MTOR: variants seen among roughly 807,000 people sequenced by gnomAD.
MTOR encodes the protein mechanistic target of rapamycin kinase.
In MTOR, 70 loss-of-function variants were observed where a neutral mutation model predicts 319.8. That is an observed-to-expected ratio of 0.22 (90% CI 0.18 to 0.27). MTOR has a LOEUF of 0.27. MTOR is among the 10% of genes least tolerant of loss of function. The pLI is 1.00. For synonymous variants in MTOR, 1,183 were observed against 1,211.4 expected, an observed-to-expected ratio of 0.98 and a Z score of 0.49; for missense variants, 1,890 against 3,274.4, an observed-to-expected ratio of 0.58 and a Z score of 10.32.
At position 11,230,974 on chromosome 1, in the gene MTOR, C is replaced by G. The variant is rs1220272705; in HGVS notation, c.2730G>C (p.Arg910=). The G allele has an allele frequency of 6.2e-7, 1 of 1,614,108 alleles. No homozygotes were observed. Among genetic ancestry groups the G allele is most frequent in the Non-Finnish European group, 8.5e-7 (1 of 1,180,014 alleles). ...KVNIGMIDQS[R]DASAVSLSES... ...CTGACAGGCTGACAGCAGAGGCATC[C>G]CGGGACTGGTCTATCATGCCAATGT... Residue 910 remains arginine, a synonymous_variant, in exon 18 of 58, where the codon CGG becomes CGC. Transcript: ENST00000361445.
chr1:11,195,785 T>C (rs1645763329), intron 28 of MTOR: 1 of 152,604 alleles, frequency 6.6e-6, no homozygotes, highest in Non-Finnish European at 1.5e-5. Context: ...TTTATTTACT[T>C]TGTAAGAAAC....
chr1:11,258,920 C>T (rs1650767460), intron 2 of MTOR, among the ~76,000 whole-genome samples: 1 of 152,170 alleles, frequency 6.6e-6, no homozygotes, highest in Non-Finnish European at 1.5e-5. Context: ...CCCTAGCTCT[C>T]AACTCTCCAA....
intron 26 of MTOR, 112 bp downstream of exon 26, chr1:11,204,449 A>G: frequency 7.2e-7 from 1 of 1,388,128 alleles, no homozygotes; most frequent in Non-Finnish European, 9.6e-7. Context: ...TATCCCACAA[A>G]ATTAGAAAAA....
At chr1:11,198,079 G>A (rs1368306681) in intron 28 of MTOR, among the ~76,000 whole-genome samples, 3 of 152,122 alleles carry the variant, frequency 2.0e-5, no homozygotes, top group Non-Finnish European at 4.4e-5. Flanking sequence ...AGGTGAGCAA[G>A]GAAATTAATA....
intron 25 of MTOR, among the ~76,000 whole-genome samples, chr1:11,207,491 C>A (rs1307543016): frequency 6.7e-6 from 1 of 149,272 alleles, no homozygotes; most frequent in Non-Finnish European, 1.5e-5. Flanking sequence ...TCACTGCACC[C>A]TGGAACTCAT....
chr1:11,109,677 G>T lies in MTOR; in HGVS notation c.7419C>A (p.Thr2473=). The T allele has an allele frequency of 6.2e-7, 1 of 1,614,108 alleles. No individual in the cohort carries two copies. The highest frequency in any genetic ancestry group is 8.5e-7 in the Non-Finnish European group (1 of 1,179,988). The change falls in exon 55 of 58, where the codon ACC becomes ACA. Residue 2473 remains threonine (T), a synonymous_variant. Coordinates refer to ENST00000361445, the MANE Select transcript of MTOR (RefSeq NM_004958.4). This position sits in a 1 kb window ranked among gnomAD's most constrained non-coding sequence, Gnocchi z 4.0. ...LGEPAHKKTG[T]TVPESIHSFI... ...AAGAATGAATAGATTCTGGCACTGT[G>T]GTCCCCGTTTTCTTATGGGCTGGCT...
chr1:11,109,581 G>C lies in MTOR; in HGVS notation c.7447+68C>G. 1.3e-6 allele frequency: 2 copies of C among 1,485,036 alleles called. No homozygotes were observed. Among genetic ancestry groups the C allele is most frequent in the Middle Eastern group, 1.7e-4 (1 of 5,818 alleles). The allele number at this position is 1,485,036 out of a possible 1,614,324, so 92.0% of individuals were successfully genotyped here. On this transcript the variant is annotated intron_variant, in intron 55 of 57. Coordinates refer to ENST00000361445, the MANE Select transcript of MTOR (RefSeq NM_004958.4). This position sits in a 1 kb window ranked among gnomAD's most constrained non-coding sequence, Gnocchi z 4.0. ...GCTTCATCTTGTTGACCCCTCTCAG[G>C]GTATAACACAGCTGCTATTTTCTTA... is the stretch of plus-strand genomic sequence containing the variant.
chr1:11,107,319 A>G lies in MTOR; in HGVS notation c.*166T>C, dbSNP rs17848571. The G allele has an allele frequency of 2.7e-6, 4 of 1,499,692 alleles. No homozygotes were observed. In the East Asian group the frequency reaches 9.3e-5, roughly 35 times the overall value. The allele number at this position is 1,499,692 out of a possible 1,614,324, so 92.9% of individuals were successfully genotyped here. ...GACAATATATTCTTCAACAGCAGCT[A>G]GAAAGTTGGTTCAAACCAACTTTTA... On this transcript the variant is annotated 3_prime_UTR_variant, in exon 58 of 58. Coordinates refer to ENST00000361445, the MANE Select transcript of MTOR (RefSeq NM_004958.4).
chr1:11,139,509 T>C lies in MTOR; in HGVS notation c.4998+24A>G, dbSNP rs780319309. On this transcript the variant is annotated intron_variant, in intron 35 of 57. Transcript: ENST00000361445. ...GACACCATGGGGCCCTACCTGCCCA[T>C]GTGGGTGGGTGGTTGTCACTCACCA... The C allele has an allele frequency of 6.2e-6, 10 of 1,614,118 alleles. No individual in the cohort carries two copies. In the South Asian group the frequency reaches 1.1e-4, roughly 18 times the overall value.
intron 29 of MTOR, among the ~76,000 whole-genome samples, chr1:11,164,260 G>C (rs1418909034): frequency 6.6e-6 from 1 of 150,596 alleles, no homozygotes; most frequent in Non-Finnish European, 1.5e-5. Flanking sequence ...GCATGAACCT[G>C]GGAGGCGGAG....
chr1:11,257,306 C>A (rs189105789), intron 3 of MTOR, 141 bp from the exon 4 acceptor site: 1 of 593,920 alleles, frequency 1.7e-6, no homozygotes, highest in Non-Finnish European at 2.9e-6. Context: ...GAGGCTGAGG[C>A]GGGCGGATTG....
intron 31 of MTOR, 70 bp from the exon 32 acceptor site, chr1:11,146,861 T>C (rs1643946958): frequency 7.6e-6 from 8 of 1,049,730 alleles, no homozygotes; most frequent in South Asian, 6.4e-5. Context: ...GCATCTCAAA[T>C]AGGTCTTGCC....
At chr1:11,214,224 T>C (rs1646399843) in intron 20 of MTOR, among the ~76,000 whole-genome samples, 2 of 152,230 alleles carry the variant, frequency 1.3e-5, no homozygotes, top group Admixed American at 1.3e-4. Flanking sequence ...ATTTTGCTAT[T>C]AATAGATAGC....
At chr1:11,194,590 A>G in intron 28 of MTOR, 1 of 1,614,198 alleles carries the variant, frequency 6.2e-7, no homozygotes, top group Non-Finnish European at 8.5e-7. Flanking sequence ...GTATCATAAC[A>G]ACACAGCCTT....
At position 11,139,239 on chromosome 1, in the gene MTOR, A is replaced by C; in HGVS notation, c.5130+65T>G. On this transcript the variant is annotated intron_variant, in intron 36 of 57. Coordinates refer to ENST00000361445, the MANE Select transcript of MTOR (RefSeq NM_004958.4). ...TTCTTTTCTGGCCTTAAAGAGGCAG[A>C]GCGAAGCAGATTAGGCGAGCATTCT... 3 of 1,538,408 alleles carry C rather than the reference A, an allele frequency of 2.0e-6. No individual in the cohort carries two copies. The East Asian group carries it at 6.8e-5, about 35-fold the overall frequency.
At position 11,129,645 on chromosome 1, in the gene MTOR, G is replaced by A; in HGVS notation, c.5714+93C>T. On this transcript the variant is annotated intron_variant, in intron 40 of 57. Coordinates refer to ENST00000361445, the MANE Select transcript of MTOR (RefSeq NM_004958.4). The surrounding 1 kb of genome is among the most constrained non-coding windows in gnomAD (Gnocchi z 4.7). ...ACATCGATCTTGGGTGTCCTGATCA[G>A]GGTCAGGAAGGGAAAGAGGACTTTT... is the stretch of plus-strand genomic sequence containing the variant. The A allele has an allele frequency of 4.6e-6, 5 of 1,096,944 alleles. 1 individual carries two copies. The South Asian group carries it at 6.8e-5, about 15-fold the overall frequency. 68.0% of individuals were successfully genotyped at this position (1,096,944 alleles called of 1,614,324 possible). A position where few individuals can be genotyped will look rare whatever the true frequency, so the allele number is the denominator to read the frequency against.
chr1:11,133,752 G>T lies in MTOR; in HGVS notation c.5247-555C>A, dbSNP rs1309960078. ...CATAGAGAGGTTAAGTCACTTCTCTGAAGTCAAATATCAAATCTGCAGCAC... is the reference window on the plus strand; with the variant it reads ...CATAGAGAGGTTAAGTCACTTCTCTTAAGTCAAATATCAAATCTGCAGCAC... On this transcript the variant is annotated intron_variant, in intron 37 of 57. Coordinates refer to ENST00000361445, the MANE Select transcript of MTOR (RefSeq NM_004958.4). This position sits in a 1 kb window ranked among gnomAD's most constrained non-coding sequence, Gnocchi z 4.0. 6.6e-6 allele frequency among the ~76,000 whole-genome samples: 1 copy of T among 152,168 alleles called. No individual in the cohort carries two copies. The highest frequency in any genetic ancestry group is 2.4e-5 in the African/African-American group (1 of 41,436).
chr1:11,231,370 T>C lies in MTOR; in HGVS notation c.2579A>G (p.Lys860Arg), dbSNP rs1441440583. The change falls in exon 17 of 58, where the codon AAG (lysine) becomes AGG (arginine). Residue 860 changes from lysine to arginine, a missense_variant. By Grantham distance (26) the Lys-to-Arg change is conservative (BLOSUM62 2). Coordinates refer to ENST00000361445, the MANE Select transcript of MTOR (RefSeq NM_004958.4). ...STGYVVEPYR[K>R]YPTLLEVLLN... ...TAGCACCTCAAGCAAAGTAGGGTACTTCCTGTAGGGCTCTACTACATAGCC... is the reference window on the plus strand; with the variant it reads ...TAGCACCTCAAGCAAAGTAGGGTACCTCCTGTAGGGCTCTACTACATAGCC... 1.2e-6 allele frequency: 2 copies of C among 1,614,220 alleles called. No homozygotes were observed. The highest frequency in any genetic ancestry group is 2.2e-5 in the South Asian group (2 of 91,084).
At chr1:11,184,892 C>T (rs1366810439) in intron 28 of MTOR, among the ~76,000 whole-genome samples, 3 of 152,214 alleles carry the variant, frequency 2.0e-5, no homozygotes, top group Admixed American at 6.5e-5. Flanking sequence ...TCCCCGGGCA[C>T]GGCCCCCCTC....
Sources: allele counts gnomAD v4.1 joint callset (sites outside exome capture counted in the v4.1 genomes callset), GRCh38; gene constraint gnomAD v4.1.1; non-coding constraint Gnocchi (gnomAD v3.1); transcripts MANE v1.5; gene names NCBI Gene and HGNC (gene_info 2026-07-23, HGNC 2026-07-21).